The following NAV3 variants were observed in gnomAD, a reference collection of about 807,000 sequenced individuals.
The protein encoded by NAV3 is neuron navigator 3, also known as pore membrane and/or filament interacting like protein 1.
NAV3 carries 87 observed loss-of-function variants against 244.7 expected under a neutral mutation model. The observed-to-expected ratio is 0.36, with a 90% CI of 0.30 to 0.42. NAV3 has a LOEUF of 0.42. Among genes scored for constraint, NAV3 ranks in the 20% least tolerant of loss-of-function variants. The pLI, the probability that NAV3 is intolerant of heterozygous loss-of-function variation, is 1.00. For missense variants in NAV3, 2,663 were observed against 2,893.3 expected, an observed-to-expected ratio of 0.92 and a Z score of 1.83; for synonymous variants, 1,126 against 1,042.2, an observed-to-expected ratio of 1.08 and a Z score of -1.55.
chr12:77,639,934 A>AG (rs1485784413), intron 2 of NAV3, among the ~76,000 whole-genome samples: 3 of 152,282 alleles, frequency 2.0e-5, no homozygotes, highest in Middle Eastern at 3.4e-3. Context: ...AGCTGTCAAA[A>AG]GGGGGGCACT....
chr12:77,886,602 G>A (rs896228062), intron 1 of NAV3, among the ~76,000 whole-genome samples: 1 of 152,140 alleles, frequency 6.6e-6, no homozygotes, highest in Non-Finnish European at 1.5e-5. Flanking sequence ...CAAGGATGTA[G>A]ATAGAGCCCC....
At chr12:78,192,130 T>C (rs1959009802) in intron 34 of NAV3, among the ~76,000 whole-genome samples, 1 of 142,464 alleles carries the variant, frequency 7.0e-6, no homozygotes, top group African/African-American at 2.9e-5. Flanking sequence ...ATGTATATAT[T>C]TCAGCTTAGG....
chr12:77,593,258 G>A (rs935630702), intron 2 of NAV3, among the ~76,000 whole-genome samples: 1 of 109,922 alleles, frequency 9.1e-6, no homozygotes, highest in African/African-American at 3.5e-5. Flanking sequence ...GTATATATAT[G>A]TATGAGTGTG....
chr12:77,682,281 A>T (rs1396895266), intron 2 of NAV3, among the ~76,000 whole-genome samples: 1 of 152,164 alleles, frequency 6.6e-6, no homozygotes, highest in Non-Finnish European at 1.5e-5. Context: ...GGCTTATTCC[A>T]CTTAATATAA....
intron 9 of NAV3, among the ~76,000 whole-genome samples, chr12:78,047,970 C>T (rs180793781): frequency 3.2e-4 from 48 of 152,212 alleles, no homozygotes; most frequent in Admixed American, 9.2e-4. Context: ...TCTTCAATCT[C>T]GGATATCCTT....
chr12:78,148,262 C>A (rs1956939894), intron 21 of NAV3, among the ~76,000 whole-genome samples: 1 of 151,960 alleles, frequency 6.6e-6, no homozygotes, highest in Non-Finnish European at 1.5e-5. Context: ...GAAGGCTTCT[C>A]TGCAGTCATT....
chr12:77,943,669 C>G (rs1050211433), intron 3 of NAV3, among the ~76,000 whole-genome samples: 4 of 152,254 alleles, frequency 2.6e-5, no homozygotes, highest in Admixed American at 2.0e-4. Flanking sequence ...GTTGCCTGTT[C>G]CTTGATTGCA....
At chr12:77,724,265 T>G (rs1876776298) in intron 2 of NAV3, among the ~76,000 whole-genome samples, 1 of 151,974 alleles carries the variant, frequency 6.6e-6, no homozygotes, top group African/African-American at 2.4e-5. Flanking sequence ...ACCTATCAGT[T>G]GATTATGCTT....
At chr12:78,048,356 C>T (rs1882190902) in intron 9 of NAV3, among the ~76,000 whole-genome samples, 1 of 152,146 alleles carries the variant, frequency 6.6e-6, no homozygotes. Flanking sequence ...GTGGACTTAC[C>T]TACCTTTGGT....
chr12:78,142,723 ATGTGTGTGTG>A (rs34539948), intron 20 of NAV3, among the ~76,000 whole-genome samples: 1 of 106,234 alleles, frequency 9.4e-6, no homozygotes, highest in African/African-American at 3.2e-5. Context: ...ATACATATAT[ATGTGTGTGTG>A]TGTGTATATA....
At chr12:77,753,693 C>T (rs1043061906) in intron 2 of NAV3, among the ~76,000 whole-genome samples, 1 of 152,108 alleles carries the variant, frequency 6.6e-6, no homozygotes, top group African/African-American at 2.4e-5. Flanking sequence ...ACTATTGTTC[C>T]ACAGCACTGA....
chr12:77,679,413 C>T (rs1226926545), intron 2 of NAV3, among the ~76,000 whole-genome samples: 6 of 151,922 alleles, frequency 3.9e-5, no homozygotes, highest in Admixed American at 6.6e-5. Flanking sequence ...ATGCCATTCA[C>T]GGAAATGGAA....
chr12:77,584,437 T>G (rs984282525), intron 2 of NAV3, among the ~76,000 whole-genome samples: 2 of 152,202 alleles, frequency 1.3e-5, no homozygotes. Flanking sequence ...AAAAAATTTT[T>G]TTTTTAATGA....
intron 3 of NAV3, among the ~76,000 whole-genome samples, chr12:77,955,799 G>C (rs1020828507): frequency 6.6e-6 from 1 of 152,248 alleles, no homozygotes; most frequent in East Asian, 1.9e-4. Flanking sequence ...GAGCCCAGGA[G>C]GTGGAGGTTG....
At chr12:77,937,215 G>A (rs780599450) in intron 1 of NAV3, among the ~76,000 whole-genome samples, 16 of 152,022 alleles carry the variant, frequency 1.1e-4, no homozygotes, top group Non-Finnish European at 1.8e-4. Flanking sequence ...TTAGAAATAC[G>A]GCCTGAGCAA....
At chr12:77,676,647 T>C (rs1874220823) in intron 2 of NAV3, among the ~76,000 whole-genome samples, 1 of 151,890 alleles carries the variant, frequency 6.6e-6, no homozygotes, top group Non-Finnish European at 1.5e-5. Flanking sequence ...TAGGCATACA[T>C]GTGCCAGGGT....
At chr12:78,161,913 C>G (rs1957560697) in intron 23 of NAV3, among the ~76,000 whole-genome samples, 1 of 151,966 alleles carries the variant, frequency 6.6e-6, no homozygotes, top group South Asian at 2.1e-4. Flanking sequence ...TATACCTCAG[C>G]CTAGATAATT....
chr12:78,043,105 C>A (rs1881167220), intron 9 of NAV3, among the ~76,000 whole-genome samples: 1 of 152,058 alleles, frequency 6.6e-6, no homozygotes, highest in South Asian at 2.1e-4. Context: ...CACCAACAGG[C>A]CCCGGTGTGT....
At chr12:77,800,292 A>G (rs540882840) in intron 2 of NAV3, among the ~76,000 whole-genome samples, 36 of 152,328 alleles carry the variant, frequency 2.4e-4, no homozygotes, top group African/African-American at 8.4e-4. Context: ...TAATGCAGAA[A>G]TGGAACATAA....
Sources: allele counts gnomAD v4.1 joint callset (sites outside exome capture counted in the v4.1 genomes callset), GRCh38; gene constraint gnomAD v4.1.1; transcripts MANE v1.5; gene names NCBI Gene and HGNC (gene_info 2026-07-23, HGNC 2026-07-21).